Variants in RGPD2 observed in about 807,000 individuals in gnomAD.
The protein encoded by RGPD2 is RANBP2 like and GRIP domain containing 2, also known as RANBP2-like and GRIP domain-containing protein 2.
In RGPD2, 2 loss-of-function variants were observed where a neutral mutation model predicts 36.0. That is an observed-to-expected ratio of 0.06 (90% CI 0.02 to 0.17). The LOEUF (loss-of-function observed/expected upper bound fraction) is 0.17. Ranked by LOEUF, RGPD2 falls within the 10% of genes least tolerant of loss-of-function variation. RGPD2 has a pLI of 1.00. For missense variants in RGPD2, 40 were observed against 464.3 expected (o/e 0.09, Z 8.40); for synonymous variants, 19 against 163.8 (o/e 0.12, Z 6.75).
At chr2:87,809,206 G>A (rs1400512779) in intron 6 of RGPD2, among the ~76,000 whole-genome samples, 1 of 152,004 alleles carries the variant, frequency 6.6e-6, no homozygotes, top group Non-Finnish European at 1.5e-5. Context: ...TCGGGAGGCT[G>A]AGGCAGGAGA....
the RGPD2 span, among the ~76,000 whole-genome samples, chr2:87,978,711 A>G: frequency 2.0e-5 from 2 of 98,976 alleles, no homozygotes; most frequent in Non-Finnish European, 4.3e-5. Context: ...CAGGAGTTTG[A>G]GACCAGCCTG....
At chr2:87,875,540 AC>A in the RGPD2 span, among the ~76,000 whole-genome samples, 1 of 152,014 alleles carries the variant, frequency 6.6e-6, no homozygotes, top group Non-Finnish European at 1.5e-5. Flanking sequence ...AACAGTTTAT[AC>A]CCTCTCAGAT....
the RGPD2 span, among the ~76,000 whole-genome samples, chr2:87,976,362 T>C: frequency 6.6e-6 from 1 of 152,132 alleles, no homozygotes; most frequent in Non-Finnish European, 1.5e-5. Flanking sequence ...AAAAAAATCA[T>C]GAAAAGGGGA....
chr2:87,948,782 AAT>A, the RGPD2 span, among the ~76,000 whole-genome samples: 2 of 112,242 alleles, frequency 1.8e-5, no homozygotes, highest in Non-Finnish European at 3.7e-5. Context: ...AACTTTATTC[AAT>A]TCCTGACATT....
At chr2:87,857,672 C>A in the RGPD2 span, among the ~76,000 whole-genome samples, 2 of 151,570 alleles carry the variant, frequency 1.3e-5, no homozygotes, top group African/African-American at 4.8e-5. Context: ...GGCGCGGTGT[C>A]TCACGCCTGT....
chr2:87,906,751 T>C, the RGPD2 span, among the ~76,000 whole-genome samples: 5 of 150,914 alleles, frequency 3.3e-5, 1 homozygote, highest in Admixed American at 3.3e-4. Flanking sequence ...GCCTTGATTT[T>C]TTAAAAACAT....
chr2:87,861,373 G>T, the RGPD2 span, among the ~76,000 whole-genome samples: 1 of 151,870 alleles, frequency 6.6e-6, no homozygotes, highest in Admixed American at 6.6e-5. Flanking sequence ...ATAAGCAACT[G>T]GTTTGACATG....
chr2:87,912,121 T>A, the RGPD2 span, among the ~76,000 whole-genome samples: 2 of 151,240 alleles, frequency 1.3e-5, no homozygotes, highest in Non-Finnish European at 3.0e-5. Context: ...TCTTCGATTG[T>A]ATTTCCCTTT....
At chr2:87,957,930 T>C in the RGPD2 span, among the ~76,000 whole-genome samples, 1 of 152,300 alleles carries the variant, frequency 6.6e-6, no homozygotes, top group African/African-American at 2.4e-5. Context: ...AAGTATATAC[T>C]GTGAATTTAA....
At chr2:87,974,514 T>G in the RGPD2 span, among the ~76,000 whole-genome samples, 267 of 152,304 alleles carry the variant, frequency 1.8e-3, no homozygotes, top group African/African-American at 6.0e-3. Context: ...CCTCCCTTGG[T>G]TTACAAAAAC....
the RGPD2 span, among the ~76,000 whole-genome samples, chr2:87,886,370 T>C: frequency 8.8e-4 from 133 of 151,672 alleles, no homozygotes; most frequent in Non-Finnish European, 1.6e-3. Flanking sequence ...TTTGATAGCT[T>C]TTATTCCATC....
At chr2:87,972,269 TGAG>T in the RGPD2 span, among the ~76,000 whole-genome samples, 21 of 134,562 alleles carry the variant, frequency 1.6e-4, no homozygotes, top group Admixed American at 1.3e-3. Flanking sequence ...ATCATGGAGC[TGAG>T]ATTATCACTT....
chr2:87,844,306 G>A, the RGPD2 span, among the ~76,000 whole-genome samples: 2 of 146,650 alleles, frequency 1.4e-5, no homozygotes, highest in Non-Finnish European at 3.0e-5. Flanking sequence ...CTGATACACG[G>A]TTTCAGAATA....
the RGPD2 span, among the ~76,000 whole-genome samples, chr2:87,877,891 G>A: frequency 1.1e-4 from 17 of 150,752 alleles, no homozygotes; most frequent in East Asian, 1.8e-3. Flanking sequence ...CTGCTGAGAG[G>A]TCCACTGTTA....
chr2:87,873,056 C>A, the RGPD2 span, among the ~76,000 whole-genome samples: 2 of 152,238 alleles, frequency 1.3e-5, no homozygotes, highest in Non-Finnish European at 2.9e-5. Flanking sequence ...CCGTGCCTGG[C>A]CCTCAGCTCC....
the RGPD2 span, among the ~76,000 whole-genome samples, chr2:87,906,694 C>T: frequency 1.3e-5 from 2 of 150,432 alleles, no homozygotes; most frequent in African/African-American, 4.9e-5. Context: ...CATTAGTACA[C>T]CTAAATCACC....
chr2:87,913,673 C>G, the RGPD2 span, among the ~76,000 whole-genome samples: 3 of 151,482 alleles, frequency 2.0e-5, no homozygotes, highest in East Asian at 5.8e-4. Flanking sequence ...CCAAAAATCA[C>G]TGTGAGAATT....
chr2:87,955,138 C>T, the RGPD2 span, among the ~76,000 whole-genome samples: 2 of 58,372 alleles, frequency 3.4e-5, no homozygotes, highest in Non-Finnish European at 6.2e-5. Context: ...CTCAGCCTCC[C>T]GAGTAGCTGG....
At chr2:87,923,005 C>T in the RGPD2 span, among the ~76,000 whole-genome samples, 1 of 151,610 alleles carries the variant, frequency 6.6e-6, no homozygotes, top group Non-Finnish European at 1.5e-5. Flanking sequence ...TGTCTCCTAA[C>T]TCTAGCTTTA....
Sources: allele counts gnomAD v4.1 joint callset (sites outside exome capture counted in the v4.1 genomes callset), GRCh38; gene constraint gnomAD v4.1.1; transcripts MANE v1.5; gene names NCBI Gene and HGNC (gene_info 2026-07-23, HGNC 2026-07-21).